ROR1: variants seen among roughly 807,000 people sequenced by gnomAD.
The protein encoded by ROR1 is inactive tyrosine-protein kinase transmembrane receptor ROR1.
Under a neutral mutation model 78.8 loss-of-function variants are expected in ROR1, and 19 were observed. The observed-to-expected ratio is 0.24, with a 90% CI of 0.17 to 0.35. ROR1 has a LOEUF of 0.35. Among genes scored for constraint, ROR1 ranks in the 10% least tolerant of loss-of-function variants. The pLI, the probability that ROR1 is intolerant of heterozygous loss-of-function variation, is 1.00. For missense variants in ROR1, 917 were observed against 1,177.8 expected, an observed-to-expected ratio of 0.78 and a Z score of 3.24; for synonymous variants, 386 against 433.6, an observed-to-expected ratio of 0.89 and a Z score of 1.36.
In ROR1 at chr1:64,108,060, T is replaced by TTG. The variant is rs3084945; in HGVS notation, c.483-29271_483-29270dup. Among the ~76,000 whole-genome samples the TTG allele has an allele frequency of 2.6e-3, 383 of 146,536 alleles. 1 individual carries two copies. The highest frequency in any genetic ancestry group is 6.6e-3 in the East Asian group (32 of 4,850). On this transcript the variant is annotated intron_variant, in intron 4 of 8. Coordinates refer to ENST00000371079, the MANE Select transcript of ROR1 (RefSeq NM_005012.4). ...ACATCTGGATTTTTTTGTTTTCTTG[T>TTG]TGTGTGTGTGTGTGTGTGTGTGTGT...
intron 1 of ROR1, among the ~76,000 whole-genome samples, chr1:63,936,763 A>C (rs367956785): frequency 1.3e-5 from 2 of 152,190 alleles, no homozygotes; most frequent in Non-Finnish European, 2.9e-5. Context: ...AGCTCCTTGT[A>C]AAGTTGCTAT....
intron 4 of ROR1, among the ~76,000 whole-genome samples, chr1:64,114,023 A>C (rs1648221203): frequency 6.6e-6 from 1 of 152,212 alleles, no homozygotes; most frequent in Non-Finnish European, 1.5e-5. Context: ...TGGCATGGGA[A>C]CTCAGTCCAT....
At chr1:63,786,098 A>G (rs1369597379) in intron 1 of ROR1, among the ~76,000 whole-genome samples, 1 of 151,936 alleles carries the variant, frequency 6.6e-6, no homozygotes, top group Admixed American at 6.6e-5. Context: ...CTCATCCCTA[A>G]GTTGCTGCCT....
chr1:64,100,105 A>G (rs1286312248), intron 4 of ROR1, among the ~76,000 whole-genome samples: 1 of 152,126 alleles, frequency 6.6e-6, no homozygotes, highest in Non-Finnish European at 1.5e-5. Context: ...AATTTTGGAA[A>G]AATTTAAAAA....
chr1:64,137,496 G>A lies in ROR1; in HGVS notation c.610G>A (p.Ala204Thr). 2 of 1,611,232 alleles carry A rather than the reference G, an allele frequency of 1.2e-6. No individual in the cohort carries two copies. The highest frequency in any genetic ancestry group is 1.1e-5 in the South Asian group (1 of 90,482). ...MQGEIENQIT[A>T]AFTMIGTSSH... ...AGGGGAAATAGAAAATCAGATCACA[G>A]GTAGGTAGCACCAATGAAATTATAT... is the stretch of plus-strand genomic sequence containing the variant. The change falls in exon 5 of 9, where the codon GCT (alanine) becomes ACT (threonine). Residue 204 changes from alanine to threonine, a missense_variant and splice_region_variant. Coordinates refer to ENST00000371079, the MANE Select transcript of ROR1 (RefSeq NM_005012.4).
chr1:63,932,620 C>T (rs1645762896), intron 1 of ROR1, among the ~76,000 whole-genome samples: 1 of 152,136 alleles, frequency 6.6e-6, no homozygotes, highest in African/African-American at 2.4e-5. Flanking sequence ...ACACACATTA[C>T]CTTACCTGAT....
chr1:63,858,570 G>A (rs576607182), intron 1 of ROR1, among the ~76,000 whole-genome samples: 1 of 152,190 alleles, frequency 6.6e-6, no homozygotes, highest in Non-Finnish European at 1.5e-5. Flanking sequence ...AGTGTAAACT[G>A]TGTTGCTTCT....
intron 1 of ROR1, among the ~76,000 whole-genome samples, chr1:63,892,678 A>G (rs79946627): frequency 0.013 from 2,036 of 152,276 alleles, 38 homozygotes; most frequent in African/African-American, 0.046. Context: ...ACTGGACAGC[A>G]GTCTTGGGTT....
intron 1 of ROR1, among the ~76,000 whole-genome samples, chr1:63,845,680 T>G (rs1645076152): frequency 6.6e-6 from 1 of 152,210 alleles, no homozygotes; most frequent in African/African-American, 2.4e-5. Context: ...TCTGTTTGTC[T>G]CTCTGGATTG....
intron 4 of ROR1, among the ~76,000 whole-genome samples, chr1:64,108,059 G>A (rs1647899453): frequency 1.1e-5 from 1 of 90,018 alleles, no homozygotes; most frequent in Non-Finnish European, 2.1e-5. Context: ...TTGTTTTCTT[G>A]TTGTGTGTGT....
chr1:63,921,044 A>G (rs931077979), intron 1 of ROR1, among the ~76,000 whole-genome samples: 4 of 152,208 alleles, frequency 2.6e-5, no homozygotes, highest in African/African-American at 7.2e-5. Flanking sequence ...GGACTAAATT[A>G]TTAAATAATG....
intron 1 of ROR1, among the ~76,000 whole-genome samples, chr1:63,775,136 A>G (rs1383145376): frequency 6.6e-6 from 1 of 152,146 alleles, no homozygotes; most frequent in Non-Finnish European, 1.5e-5. Context: ...ATGTGCTGTC[A>G]GAGGCGGCCT....
intron 4 of ROR1, among the ~76,000 whole-genome samples, chr1:64,103,914 GA>G (rs1647674438): frequency 6.6e-6 from 1 of 152,068 alleles, no homozygotes; most frequent in Non-Finnish European, 1.5e-5. Flanking sequence ...GCCTTCCAGG[GA>G]ACACTTTGCA....
chr1:63,831,172 T>G (rs752969633), intron 1 of ROR1, among the ~76,000 whole-genome samples: 2 of 152,166 alleles, frequency 1.3e-5, no homozygotes, highest in Non-Finnish European at 2.9e-5. Flanking sequence ...AGGTGCACAG[T>G]GCAAGCTACC....
At chr1:63,845,695 A>G (rs1441376493) in intron 1 of ROR1, among the ~76,000 whole-genome samples, 2 of 152,074 alleles carry the variant, frequency 1.3e-5, no homozygotes, top group East Asian at 3.9e-4. Context: ...GGATTGACCC[A>G]TTATTGTGTT....
At chr1:63,979,666 G>A (rs1437249360) in intron 1 of ROR1, among the ~76,000 whole-genome samples, 1 of 152,134 alleles carries the variant, frequency 6.6e-6, no homozygotes, top group Non-Finnish European at 1.5e-5. Flanking sequence ...TGGGGCTCTG[G>A]GTGATGTGTC....
chr1:63,821,595 T>G (rs1340965536), intron 1 of ROR1, among the ~76,000 whole-genome samples: 1 of 152,198 alleles, frequency 6.6e-6, no homozygotes, highest in Non-Finnish European at 1.5e-5. Flanking sequence ...CTTCTGAAAT[T>G]GAGTGCAGGT....
At chr1:64,034,331 A>G (rs2100573298) in intron 2 of ROR1, among the ~76,000 whole-genome samples, 3 of 152,238 alleles carry the variant, frequency 2.0e-5, no homozygotes, top group Middle Eastern at 6.8e-3. Flanking sequence ...TAGCCACAGT[A>G]CATTAGCTGC....
intron 1 of ROR1, among the ~76,000 whole-genome samples, chr1:63,940,300 A>G (rs575739857): frequency 9.8e-5 from 15 of 152,302 alleles, no homozygotes; most frequent in African/African-American, 3.6e-4. Context: ...GTATACAAAC[A>G]TGATCAGTGA....
Sources: allele counts gnomAD v4.1 joint callset (sites outside exome capture counted in the v4.1 genomes callset), GRCh38; gene constraint gnomAD v4.1.1; transcripts MANE v1.5; gene names NCBI Gene and HGNC (gene_info 2026-07-23, HGNC 2026-07-21).